JAK2: variants seen among roughly 807,000 people sequenced by gnomAD.
The protein encoded by JAK2 is tyrosine-protein kinase JAK2.
Under a neutral mutation model 139.3 loss-of-function variants are expected in JAK2, and 86 were observed. That is an observed-to-expected ratio of 0.62 (90% CI 0.52 to 0.74). The LOEUF (loss-of-function observed/expected upper bound fraction) is 0.74, where lower values mean the gene tolerates loss of function less well. Among genes scored for constraint, JAK2 ranks in the 30% least tolerant of loss-of-function variants. The pLI is 0.00. For synonymous variants in JAK2, 490 were observed against 437.7 expected, an observed-to-expected ratio of 1.12 and a Z score of -1.49; for missense variants, 1,421 against 1,360.3, an observed-to-expected ratio of 1.04 and a Z score of -0.70.
chr9:5,064,609 A>T (rs1818440057), intron 8 of JAK2, among the ~76,000 whole-genome samples: 2 of 152,232 alleles, frequency 1.3e-5, no homozygotes, highest in African/African-American at 4.8e-5. Context: ...TCTAGCTGAG[A>T]TAACTGGTAT....
chr9:5,078,189 A>T, intron 15 of JAK2, 117 bp from the exon 16 acceptor site: 1 of 808,490 alleles, frequency 1.2e-6, no homozygotes, highest in South Asian at 2.4e-5. Context: ...CATGCCTCCA[A>T]ATTATTATAC....
Position 4,989,087 on chromosome 9 carries a change from T to G in JAK2, c.-26+3065T>G, listed in dbSNP as rs555021837. Among the ~76,000 whole-genome samples the G allele has an allele frequency of 8.5e-4, 130 of 152,322 alleles. 2 individuals are homozygous for G. The South Asian group carries it at 0.017, about 20-fold the overall frequency. ...AATACTCCTTATTATAGCATTCCCT[T>G]GCCCCAAAACCTTCAGTGGCTTACC... On this transcript the variant is annotated intron_variant, in intron 2 of 24. Transcript: ENST00000381652.
At chr9:5,014,144 A>G (rs915375896) in intron 2 of JAK2, among the ~76,000 whole-genome samples, 34 of 148,084 alleles carry the variant, frequency 2.3e-4, no homozygotes, top group Non-Finnish European at 4.2e-4. Context: ...AAAATTTATT[A>G]TAACTTTTAT....
At chr9:5,029,024 T>C (rs1458015429) in intron 3 of JAK2, among the ~76,000 whole-genome samples, 2 of 152,250 alleles carry the variant, frequency 1.3e-5, no homozygotes, top group Non-Finnish European at 2.9e-5. Context: ...GATTGACTGG[T>C]GCAGGAGGCC....
chr9:5,040,995 C>A, intron 4 of JAK2: 3 of 637,710 alleles, frequency 4.7e-6, no homozygotes, highest in South Asian at 4.5e-5. Flanking sequence ...TGGAGCTGAT[C>A]AAGTTCCGGA....
chr9:5,055,832 C>T (rs1348496666), intron 8 of JAK2, 44 bp downstream of exon 8: 1 of 1,531,374 alleles, frequency 6.5e-7, no homozygotes, highest in Non-Finnish European at 8.9e-7. Flanking sequence ...TTTTATAGTT[C>T]TCAGAAATGT....
chr9:5,038,878 C>A (rs1383023128), intron 4 of JAK2, among the ~76,000 whole-genome samples: 3 of 151,916 alleles, frequency 2.0e-5, no homozygotes, highest in African/African-American at 7.3e-5. Flanking sequence ...ATGTAATACA[C>A]CACATTAATA....
chr9:5,095,441 T>C (rs549487551), intron 22 of JAK2, among the ~76,000 whole-genome samples: 5 of 152,296 alleles, frequency 3.3e-5, no homozygotes, highest in Admixed American at 2.0e-4. Context: ...ATTCTCATGA[T>C]GGGTATCCTT....
rs1339135099 is a variant in JAK2, at chr9:5,022,061, T to C, written c.74T>C (p.Ile25Thr). ...TCTTCTATATATCAGAATGGTGATA[T>C]TTCTGGAAATGCCAATTCTATGAAG... Reference protein sequence around the residue: ...STSSIYQNGDISGNANSMKQI... With the variant: ...STSSIYQNGDTSGNANSMKQI... Residue 25 changes from isoleucine (I) to threonine (T), a missense_variant, in exon 3 of 25, where the codon ATT (isoleucine) becomes ACT (threonine). Transcript: ENST00000381652. 4 of 1,614,198 alleles carry C rather than the reference T, an allele frequency of 2.5e-6. No homozygotes were observed. Among genetic ancestry groups the C allele is most frequent in the Non-Finnish European group, 3.4e-6 (4 of 1,179,990 alleles).
chr9:5,014,004 A>G (rs1461271600), intron 2 of JAK2, among the ~76,000 whole-genome samples: 2 of 152,092 alleles, frequency 1.3e-5, no homozygotes, highest in Admixed American at 6.5e-5. Context: ...TTACTTCTTC[A>G]TGTATATTTA....
At chr9:5,093,709 G>C (rs924299979) in intron 22 of JAK2, among the ~76,000 whole-genome samples, 2 of 152,058 alleles carry the variant, frequency 1.3e-5, no homozygotes, top group African/African-American at 2.4e-5. Context: ...CCAATAATTT[G>C]ATCAACAGAA....
intron 2 of JAK2, among the ~76,000 whole-genome samples, chr9:5,019,234 T>G (rs1456407872): frequency 2.0e-5 from 3 of 152,166 alleles, no homozygotes; most frequent in African/African-American, 7.2e-5. Flanking sequence ...TCATGCAGGC[T>G]TTGTTCATTC....
At position 5,008,021 on chromosome 9, in the gene JAK2, G is replaced by T. The variant is rs1420596320; in HGVS notation, c.-25-13942G>T. On this transcript the variant is annotated intron_variant, in intron 2 of 24. Coordinates refer to ENST00000381652, the MANE Select transcript of JAK2 (RefSeq NM_004972.4). ...TGGGATTACAGGCATGAGCCACCGC[G>T]CCTGGCCCTAATAATGAGAATTCTT... Among the ~76,000 whole-genome samples, 7 of 152,062 alleles carry T rather than the reference G, an allele frequency of 4.6e-5. No individual in the cohort carries two copies. In the East Asian group the frequency reaches 1.2e-3, roughly 25 times the overall value.
intron 22 of JAK2, among the ~76,000 whole-genome samples, chr9:5,122,167 A>G (rs756561071): frequency 2.0e-5 from 3 of 152,120 alleles, no homozygotes; most frequent in South Asian, 2.1e-4. Flanking sequence ...GATTAAATCT[A>G]TGTAATTCAC....
chr9:5,080,027 T>A (rs1414324123), intron 16 of JAK2, among the ~76,000 whole-genome samples: 1 of 152,322 alleles, frequency 6.6e-6, no homozygotes, highest in East Asian at 1.9e-4. Flanking sequence ...TTGTTAAAGA[T>A]GAAATATTGA....
chr9:5,067,787 A>G (rs1394362818), intron 10 of JAK2, among the ~76,000 whole-genome samples: 2 of 152,188 alleles, frequency 1.3e-5, no homozygotes, highest in African/African-American at 4.8e-5. Context: ...CAAATATACA[A>G]AAAATTCTAA....
chr9:5,053,083 A>T (rs1416453778), intron 6 of JAK2, among the ~76,000 whole-genome samples: 1 of 152,130 alleles, frequency 6.6e-6, no homozygotes, highest in African/African-American at 2.4e-5. Flanking sequence ...TTTCAAAAGC[A>T]GCTGTGCCAC....
intron 10 of JAK2, among the ~76,000 whole-genome samples, chr9:5,067,925 G>C (rs999986005): frequency 6.6e-6 from 1 of 152,086 alleles, no homozygotes; most frequent in African/African-American, 2.4e-5. Context: ...AGGCCAAGGC[G>C]GGTGGATCAC....
chr9:5,111,238 C>G, intron 22 of JAK2: 1 of 558,716 alleles, frequency 1.8e-6, no homozygotes, highest in East Asian at 4.3e-5. Context: ...GCCTATTCCT[C>G]CTTTGGTAGA....
Sources: gnomAD v4.1 joint callset for allele counts (sites outside exome capture counted in the v4.1 genomes callset) on GRCh38, gnomAD v4.1.1 for gene constraint, MANE v1.5 for transcripts, NCBI Gene and HGNC (gene_info 2026-07-23, HGNC 2026-07-21) for gene names.